The following NTM variants were observed in gnomAD, a reference collection of about 807,000 sequenced individuals.
NTM encodes IgLON family member 2.
NTM carries 13 observed loss-of-function variants against 42.1 expected under a neutral mutation model. That is an observed-to-expected ratio of 0.31 (90% CI 0.20 to 0.49). The LOEUF is 0.49. NTM is among the 20% of genes least tolerant of loss of function. NTM has a pLI of 0.99. For synonymous variants in NTM, 187 were observed against 179.2 expected (o/e 1.04, Z -0.35); for missense variants, 373 against 452.8 (o/e 0.82, Z 1.60).
At chr11:132,026,485 G>C (rs1038686794) in intron 2 of NTM, among the ~76,000 whole-genome samples, 2 of 152,134 alleles carry the variant, frequency 1.3e-5, no homozygotes, top group Non-Finnish European at 2.9e-5. Flanking sequence ...CCAGAATGTA[G>C]AGTCATCTGC....
intron 1 of NTM, among the ~76,000 whole-genome samples, chr11:131,436,738 C>T (rs1591659405): frequency 6.6e-6 from 1 of 152,102 alleles, no homozygotes; most frequent in East Asian, 1.9e-4. Flanking sequence ...AAACCAGCTC[C>T]TAGATTCATT....
At chr11:131,902,842 G>A (rs189384272) in intron 1 of NTM, among the ~76,000 whole-genome samples, 12 of 152,200 alleles carry the variant, frequency 7.9e-5, no homozygotes, top group African/African-American at 2.2e-4. Flanking sequence ...ATTATTTCAC[G>A]GCACTTAGCC....
At chr11:132,023,813 G>GGTGGTGGTT (rs2074764142) in intron 2 of NTM, among the ~76,000 whole-genome samples, 12 of 57,412 alleles carry the variant, frequency 2.1e-4, no homozygotes, top group South Asian at 2.0e-3. Flanking sequence ...TGGTGGTTTT[G>GGTGGTGGTT]TTGTTGTTGT....
intron 1 of NTM, among the ~76,000 whole-genome samples, chr11:131,835,352 C>A (rs76267179): frequency 6.6e-6 from 1 of 151,592 alleles, no homozygotes; most frequent in Admixed American, 6.6e-5. Flanking sequence ...ATTCACGATA[C>A]GTATATGAAA....
intron 1 of NTM, among the ~76,000 whole-genome samples, chr11:131,656,382 C>A (rs551193632): frequency 8.5e-5 from 13 of 152,352 alleles, no homozygotes; most frequent in African/African-American, 3.1e-4. Context: ...TAAAAAGACA[C>A]AGAAGCAACT....
intron 1 of NTM, among the ~76,000 whole-genome samples, chr11:131,458,060 A>G (rs1409487765): frequency 6.6e-6 from 1 of 152,230 alleles, no homozygotes; most frequent in East Asian, 1.9e-4. Context: ...CAATGCATGC[A>G]TTTGAGACTG....
chr11:132,105,456 G>A (rs1296605950), intron 2 of NTM, among the ~76,000 whole-genome samples: 1 of 152,108 alleles, frequency 6.6e-6, no homozygotes, highest in Non-Finnish European at 1.5e-5. Context: ...AAAAGAAAGG[G>A]AAGAGGAGCA....
intron 2 of NTM, among the ~76,000 whole-genome samples, chr11:132,115,766 C>T (rs1393295769): frequency 6.6e-6 from 1 of 152,236 alleles, no homozygotes; most frequent in Non-Finnish European, 1.5e-5. Context: ...TTGCGTTCCT[C>T]TCCCTTCATT....
chr11:131,405,198 CTCTT>C (rs373897690), intron 1 of NTM, among the ~76,000 whole-genome samples: 7 of 152,286 alleles, frequency 4.6e-5, no homozygotes, highest in African/African-American at 1.7e-4. Context: ...GTGTCCCTCA[CTCTT>C]TCTTGGTGAC....
intron 7 of NTM, among the ~76,000 whole-genome samples, chr11:132,321,110 G>A (rs959158498): frequency 4.6e-5 from 7 of 151,932 alleles, no homozygotes; most frequent in Admixed American, 1.3e-4. Context: ...ACTCTAAAAA[G>A]CTGAGCGCCT....
intron 4 of NTM, among the ~76,000 whole-genome samples, chr11:132,232,264 A>G (rs2087752483): frequency 6.6e-6 from 1 of 152,112 alleles, no homozygotes; most frequent in Non-Finnish European, 1.5e-5. Context: ...AAATTATTTC[A>G]CCATCTGATG....
At chr11:131,380,881 C>T (rs74573620) in intron 1 of NTM, among the ~76,000 whole-genome samples, 2 of 152,130 alleles carry the variant, frequency 1.3e-5, no homozygotes, top group Non-Finnish European at 2.9e-5. Context: ...CAGAACTTAC[C>T]CTTTCTATTA....
intron 2 of NTM, among the ~76,000 whole-genome samples, chr11:132,103,179 G>A (rs980728943): frequency 1.3e-5 from 2 of 152,194 alleles, no homozygotes; most frequent in Admixed American, 1.3e-4. Context: ...CCTCCTCACC[G>A]GCCTCTCTCC....
chr11:132,064,862 A>G (rs147138879), intron 2 of NTM, among the ~76,000 whole-genome samples: 1 of 152,318 alleles, frequency 6.6e-6, no homozygotes, highest in East Asian at 1.9e-4. Context: ...AAACATTTCA[A>G]ACAACCACTG....
intron 2 of NTM, among the ~76,000 whole-genome samples, chr11:132,138,623 C>CTATCTATCATCTATTA (rs1310463353): frequency 2.5e-5 from 2 of 80,912 alleles, no homozygotes; most frequent in Non-Finnish European, 5.5e-5. Context: ...TCTATCTATT[C>CTATCTATCATCTATTA]TAATCTATCG....
At chr11:131,575,413 C>T (rs2057834398) in intron 1 of NTM, among the ~76,000 whole-genome samples, 1 of 152,166 alleles carries the variant, frequency 6.6e-6, no homozygotes. Flanking sequence ...ATAAGAACTA[C>T]ATACCCTATT....
intron 1 of NTM, among the ~76,000 whole-genome samples, chr11:131,868,241 C>G (rs1337107492): frequency 6.6e-6 from 1 of 152,152 alleles, no homozygotes; most frequent in East Asian, 1.9e-4. Context: ...TTTGTTTCCT[C>G]GCCCTCACTC....
intron 7 of NTM, among the ~76,000 whole-genome samples, chr11:132,323,441 T>G (rs1400836209): frequency 6.6e-6 from 1 of 151,378 alleles, no homozygotes; most frequent in Non-Finnish European, 1.5e-5. Flanking sequence ...ATGGATAAAT[T>G]CCTCGACACA....
At chr11:131,799,893 T>C (rs1159476217) in intron 1 of NTM, among the ~76,000 whole-genome samples, 1 of 152,230 alleles carries the variant, frequency 6.6e-6, no homozygotes, top group Admixed American at 6.5e-5. Flanking sequence ...GTTTGTATCC[T>C]AGTCCACCTC....
Sources: gnomAD v4.1 joint callset for allele counts (sites outside exome capture counted in the v4.1 genomes callset) on GRCh38, gnomAD v4.1.1 for gene constraint, MANE v1.5 for transcripts, NCBI Gene and HGNC (gene_info 2026-07-23, HGNC 2026-07-21) for gene names.